Variants in USP48 observed in about 807,000 individuals in gnomAD.
USP48 encodes ubiquitin carboxyl-terminal hydrolase 48.
Under a neutral mutation model 150.7 loss-of-function variants are expected in USP48, and 43 were observed. The observed-to-expected ratio is 0.29, with a 90% CI of 0.22 to 0.37. The LOEUF (loss-of-function observed/expected upper bound fraction) is 0.37. Ranked by LOEUF, USP48 falls within the 10% of genes least tolerant of loss-of-function variation. The pLI is 1.00. For synonymous variants in USP48, 396 were observed against 425.9 expected (o/e 0.93, Z 0.86); for missense variants, 813 against 1,249.6 (o/e 0.65, Z 5.27).
intron 24 of USP48, among the ~76,000 whole-genome samples, chr1:21,688,568 C>T (rs962859328): frequency 2.6e-5 from 4 of 151,306 alleles, no homozygotes; most frequent in Admixed American, 6.6e-5. Flanking sequence ...TGAGGCCTGG[C>T]GCAGTGGCTC....
chr1:21,778,862 G>A (rs555198965), intron 1 of USP48, among the ~76,000 whole-genome samples: 1 of 151,442 alleles, frequency 6.6e-6, no homozygotes, highest in Admixed American at 6.6e-5. Flanking sequence ...CCATTCTCCT[G>A]CCTTTGCCTC....
intron 19 of USP48, 141 bp downstream of exon 19, chr1:21,705,586 G>A (rs1571781735): frequency 1.7e-6 from 1 of 601,962 alleles, no homozygotes; most frequent in East Asian, 3.2e-5. Flanking sequence ...TTTTAAAAGG[G>A]GAAAAAAAAA....
chr1:21,724,578 C>T (rs551722329), intron 11 of USP48: 1 of 168,728 alleles, frequency 5.9e-6, no homozygotes, highest in East Asian at 1.7e-4. Context: ...AAATAAACCT[C>T]ACCGACTATG....
chr1:21,763,536 G>A (rs1255941366), intron 1 of USP48, among the ~76,000 whole-genome samples: 1 of 152,206 alleles, frequency 6.6e-6, no homozygotes, highest in African/African-American at 2.4e-5. Flanking sequence ...AATAACAGCT[G>A]GGCGCAGTGG....
chr1:21,733,408 C>A (rs2097761716), intron 9 of USP48, among the ~76,000 whole-genome samples: 1 of 151,776 alleles, frequency 6.6e-6, no homozygotes, highest in Non-Finnish European at 1.5e-5. Context: ...CAGAGGAAGA[C>A]TCTGTCTCAA....
At chr1:21,751,165 A>AT (rs1201418795) in intron 6 of USP48, among the ~76,000 whole-genome samples, 1 of 152,226 alleles carries the variant, frequency 6.6e-6, no homozygotes, top group Non-Finnish European at 1.5e-5. Flanking sequence ...AAAGTTTCAT[A>AT]TTTAGCACAT....
At chr1:21,764,435 T>C (rs1418747670) in intron 1 of USP48, among the ~76,000 whole-genome samples, 1 of 138,410 alleles carries the variant, frequency 7.2e-6, no homozygotes, top group Non-Finnish European at 1.6e-5. Flanking sequence ...AGAGACCCTG[T>C]CTCCAAAAAA....
At position 21,725,954 on chromosome 1, in the gene USP48, C is replaced by A. The variant is rs149799967; in HGVS notation, c.1451-1859G>T. 2.2e-3 allele frequency among the ~76,000 whole-genome samples: 336 copies of A among 152,182 alleles called. 2 individuals are homozygous for A. The highest frequency in any genetic ancestry group is 7.0e-3 in the African/African-American group (289 of 41,498). ...AATGATCCCTTTCTGAAAGCAAGAT[C>A]AAAGTCTTAGCATACTCTCATCTTT... On this transcript the variant is annotated intron_variant, in intron 11 of 26. Coordinates refer to ENST00000308271, the MANE Select transcript of USP48 (RefSeq NM_032236.8).
intron 1 of USP48, among the ~76,000 whole-genome samples, chr1:21,773,274 A>G (rs1261307616): frequency 6.6e-6 from 1 of 151,112 alleles, no homozygotes; most frequent in East Asian, 1.9e-4. Context: ...AAAAAAAAAA[A>G]GAAAGAAATA....
At chr1:21,763,177 T>C (rs2097854069) in intron 1 of USP48, among the ~76,000 whole-genome samples, 1 of 152,220 alleles carries the variant, frequency 6.6e-6, no homozygotes, top group African/African-American at 2.4e-5. Context: ...TCTGTATTAT[T>C]AGGCCCCACA....
chr1:21,746,529 G>T (rs888287146), intron 8 of USP48, among the ~76,000 whole-genome samples: 4 of 152,104 alleles, frequency 2.6e-5, no homozygotes, highest in Admixed American at 1.3e-4. Flanking sequence ...CCTTTCTCTA[G>T]TAAGACTCAA....
intron 6 of USP48, 73 bp downstream of exon 6, chr1:21,751,434 A>G: frequency 1.7e-6 from 2 of 1,175,188 alleles, no homozygotes; most frequent in Non-Finnish European, 2.5e-6. Context: ...CACTAAATCA[A>G]AACAGAATAG....
intron 9 of USP48, among the ~76,000 whole-genome samples, chr1:21,730,731 A>G (rs1385806449): frequency 6.6e-6 from 1 of 151,878 alleles, no homozygotes; most frequent in Non-Finnish European, 1.5e-5. Context: ...ACTAAAGGGA[A>G]TATGGGACTT....
At chr1:21,772,897 G>A (rs1557616694) in intron 1 of USP48, among the ~76,000 whole-genome samples, 1 of 151,052 alleles carries the variant, frequency 6.6e-6, no homozygotes, top group African/African-American at 2.4e-5. Flanking sequence ...ACTCCAGCCT[G>A]GGAAACAGAG....
chr1:21,704,862 C>G (rs1162260471), intron 19 of USP48, among the ~76,000 whole-genome samples: 2 of 151,906 alleles, frequency 1.3e-5, no homozygotes, highest in Non-Finnish European at 2.9e-5. Flanking sequence ...ATATTTGAAC[C>G]ATTTAACTTT....
At chr1:21,703,651 G>T in intron 20 of USP48, 33 bp from the exon 21 acceptor site, 3 of 1,456,642 alleles carry the variant, frequency 2.1e-6, no homozygotes, top group Non-Finnish European at 2.8e-6. Flanking sequence ...GAAAACAGAA[G>T]TGGCTGAGGA....
intron 8 of USP48, among the ~76,000 whole-genome samples, chr1:21,739,582 T>C (rs2097776673): frequency 6.7e-6 from 1 of 149,902 alleles, no homozygotes; most frequent in African/African-American, 2.5e-5. Flanking sequence ...GGGTACAATA[T>C]GATGTTTGAT....
At chr1:21,720,965 A>T in intron 14 of USP48, 71 bp downstream of exon 14, 2 of 1,576,540 alleles carry the variant, frequency 1.3e-6, no homozygotes, top group Non-Finnish European at 1.7e-6. Context: ...CGAATGAGCC[A>T]CCGTGCCTGG....
rs1166520250 is a variant in USP48, at chr1:21,724,033, T to C, written c.1513A>G (p.Lys505Glu). Reference sequence around the variant, plus strand: ...AGGCAAGCGTGATTATCAATAGGTTTGGTAGGTGTTGATTCATCCAACCAC... The same window carrying C: ...AGGCAAGCGTGATTATCAATAGGTTCGGTAGGTGTTGATTCATCCAACCAC... ...QKWLDESTPT[K>E]PIDNHACLCS... The change falls in exon 12 of 27, where the codon AAA becomes GAA. Residue 505 changes from lysine (K) to glutamate (E), a missense_variant. Physicochemically the swap from Lys to Glu is moderately conservative, Grantham distance 56 (BLOSUM62 1). Transcript: ENST00000308271. The C allele has an allele frequency of 6.2e-7, 1 of 1,614,220 alleles. No homozygotes were observed. Among genetic ancestry groups the C allele is most frequent in the Non-Finnish European group, 8.5e-7 (1 of 1,180,038 alleles).
Sources: allele counts gnomAD v4.1 joint callset (sites outside exome capture counted in the v4.1 genomes callset), GRCh38; gene constraint gnomAD v4.1.1; transcripts MANE v1.5; gene names NCBI Gene and HGNC (gene_info 2026-07-23, HGNC 2026-07-21).